The following FREM2 variants were observed in gnomAD, a reference collection of about 807,000 sequenced individuals.
FREM2 encodes FRAS1 related extracellular matrix 2, also known as FRAS1-related extracellular matrix protein 2.
A neutral mutation model predicts 219.9 loss-of-function variants in FREM2; 119 were observed. The ratio of observed to expected loss-of-function variants is 0.54; its 90% CI spans 0.47 to 0.63. The LOEUF (loss-of-function observed/expected upper bound fraction) is 0.63. FREM2 is among the 30% of genes least tolerant of loss of function. The pLI is 0.00. For synonymous variants in FREM2, 1,562 were observed against 1,522.8 expected (o/e 1.03, Z -0.60); for missense variants, 4,030 against 3,993.6 (o/e 1.01, Z -0.25).
chr13:38,687,162 C>A lies in FREM2; in HGVS notation c.-183C>A, dbSNP rs1188769062. 2.5e-6 allele frequency: 2 copies of A among 785,732 alleles called. No homozygotes were observed. Among genetic ancestry groups the A allele is most frequent in the Non-Finnish European group, 4.0e-6 (2 of 498,390 alleles). The allele number at this position is 785,732 out of a possible 1,614,324, so 48.7% of individuals were successfully genotyped here. On this transcript the variant is annotated 5_prime_UTR_variant, in exon 1 of 24. Transcript: ENST00000280481. ...TGGGAAGGCTTCGGCTCCTCGGCTG[C>A]GGCTCCAGCCCGGACGGCGCCGCGC...
In FREM2 at chr13:38,880,732, G is replaced by A. The variant is rs1878516672; in HGVS notation, c.9455G>A (p.Ser3152Asn). Residue 3152 changes from serine (S) to asparagine (N), a missense_variant, in exon 24 of 24, where the codon AGC becomes AAC. Physicochemically the swap from Ser to Asn is conservative, Grantham distance 46. Transcript: ENST00000280481. ...RGKDAPKGSS[S>N]SEPMVPPQSH... ...AAGGATGCCCCGAAAGGCTCCAGCA[G>A]CAGTGAGCCCATGGTGCCCCCACAG... 9.9e-6 allele frequency: 16 copies of A among 1,614,186 alleles called. No individual in the cohort carries two copies. The highest frequency in any genetic ancestry group is 1.4e-5 in the Non-Finnish European group (16 of 1,180,034).
At chr13:38,722,327 T>C (rs996843966) in intron 2 of FREM2, among the ~76,000 whole-genome samples, 7 of 152,118 alleles carry the variant, frequency 4.6e-5, no homozygotes. Context: ...CCCAAAGTGC[T>C]GGGATTATAG....
chr13:38,796,714 T>A (rs1874802150), intron 6 of FREM2, among the ~76,000 whole-genome samples: 1 of 152,204 alleles, frequency 6.6e-6, no homozygotes, highest in Non-Finnish European at 1.5e-5. Context: ...TTATAAATAG[T>A]GCTGCAATGA....
intron 2 of FREM2, among the ~76,000 whole-genome samples, chr13:38,743,651 A>G (rs1162077779): frequency 1.3e-5 from 2 of 152,192 alleles, no homozygotes; most frequent in African/African-American, 4.8e-5. Flanking sequence ...AGAGCAGTGT[A>G]ATAATAGCTG....
At chr13:38,785,050 C>T (rs1160087173) in intron 6 of FREM2, among the ~76,000 whole-genome samples, 1 of 152,214 alleles carries the variant, frequency 6.6e-6, no homozygotes, top group Non-Finnish European at 1.5e-5. Context: ...CCGTTTCTTT[C>T]ACCAAGCCCT....
chr13:38,687,386 A>G lies in FREM2; in HGVS notation c.42A>G (p.Thr14=), dbSNP rs1305621894. The change falls in exon 1 of 24, where the codon ACA becomes ACG. Residue 14 remains threonine (T), a synonymous_variant. Coordinates refer to ENST00000280481, the MANE Select transcript of FREM2 (RefSeq NM_207361.6). The part of the protein sequence containing the change: ...AGTPGLSSRR[T]GNSTSFQPGP... ...CTCCCGGGTTATCCTCGCGCCGGAC[A>G]GGCAACTCCACCAGCTTTCAACCAG... 3.1e-6 allele frequency: 5 copies of G among 1,608,948 alleles called. No homozygotes were observed. The East Asian group carries it at 9.0e-5, about 29-fold the overall frequency.
At chr13:38,769,091 A>G (rs1873552354) in intron 3 of FREM2, among the ~76,000 whole-genome samples, 1 of 152,300 alleles carries the variant, frequency 6.6e-6, no homozygotes, top group African/African-American at 2.4e-5. Flanking sequence ...ATCACTTTTT[A>G]TTATTCCACT....
intron 2 of FREM2, among the ~76,000 whole-genome samples, chr13:38,745,211 A>G (rs77598904): frequency 6.6e-6 from 1 of 152,210 alleles, no homozygotes; most frequent in Non-Finnish European, 1.5e-5. Flanking sequence ...ATCTGATTCA[A>G]TTATTTTAAA....
intron 6 of FREM2, among the ~76,000 whole-genome samples, chr13:38,828,676 A>G (rs1195307503): frequency 6.6e-6 from 1 of 152,020 alleles, no homozygotes; most frequent in Admixed American, 6.6e-5. Flanking sequence ...TTGCCACTAC[A>G]CTGCAGACTG....
At position 38,691,829 on chromosome 13, in the gene FREM2, C is replaced by G. The variant is rs768751567; in HGVS notation, c.4485C>G (p.Ile1495Met). 4.9e-5 allele frequency: 79 copies of G among 1,614,006 alleles called. No individual in the cohort carries two copies. The Middle Eastern group carries it at 6.6e-4, about 13-fold the overall frequency. ...LQLAGNKIYY[I>M]HTADDEVKMD... ...TGGCTGGAAACAAAATCTACTACAT[C>G]CACACAGCTGATGATGAAGTGAAAA... is the stretch of plus-strand genomic sequence containing the variant. The change falls in exon 1 of 24, where the codon ATC (isoleucine) becomes ATG (methionine). Residue 1495 changes from isoleucine (I) to methionine (M), a missense_variant. By Grantham distance (10) the Ile-to-Met change is conservative. This residue lies in a region of FREM2 where 3,102 missense variants were observed against 2,950.7 expected (regional missense o/e 1.05). Transcript: ENST00000280481.
At chr13:38,707,980 C>T (rs1870605998) in intron 2 of FREM2, among the ~76,000 whole-genome samples, 1 of 152,170 alleles carries the variant, frequency 6.6e-6, no homozygotes, top group Admixed American at 6.5e-5. Flanking sequence ...GGCAGCTTTC[C>T]CTGGTTCCTG....
intron 6 of FREM2, among the ~76,000 whole-genome samples, chr13:38,828,069 T>C (rs951932618): frequency 7.2e-5 from 11 of 152,170 alleles, no homozygotes; most frequent in Non-Finnish European, 1.6e-4. Flanking sequence ...TTGATGCATC[T>C]TTCCATACAT....
At chr13:38,736,513 G>T (rs1291912029) in intron 2 of FREM2, among the ~76,000 whole-genome samples, 1 of 152,004 alleles carries the variant, frequency 6.6e-6, no homozygotes, top group African/African-American at 2.4e-5. Context: ...CTTTTTGACG[G>T]TTTACAACAA....
At chr13:38,712,972 A>T (rs141562946) in intron 2 of FREM2, among the ~76,000 whole-genome samples, 1 of 152,222 alleles carries the variant, frequency 6.6e-6, no homozygotes, top group African/African-American at 2.4e-5. Context: ...TTGCTCAACC[A>T]TCTAAACATC....
chr13:38,737,767 A>T (rs1872057320), intron 2 of FREM2, among the ~76,000 whole-genome samples: 1 of 152,220 alleles, frequency 6.6e-6, no homozygotes, highest in Non-Finnish European at 1.5e-5. Flanking sequence ...GGGGAATGAG[A>T]CTGGGAATGT....
chr13:38,777,621 T>C (rs1199108300), intron 4 of FREM2, among the ~76,000 whole-genome samples: 2 of 152,338 alleles, frequency 1.3e-5, no homozygotes, highest in East Asian at 3.9e-4. Context: ...GAGAACTCCA[T>C]GCCTACTAGC....
rs1349066882 is a variant in FREM2 at position 38,689,483 on chromosome 13, A to G, written c.2139A>G (p.Val713=). 1.9e-6 allele frequency: 3 copies of G among 1,614,040 alleles called. No individual in the cohort carries two copies. Among genetic ancestry groups the G allele is most frequent in the East Asian group, 2.2e-5 (1 of 44,864 alleles). Residue 713 remains valine, a synonymous_variant, in exon 1 of 24, where the codon GTA becomes GTG. Coordinates refer to ENST00000280481, the MANE Select transcript of FREM2 (RefSeq NM_207361.6). ...LGSGCPLRMV[V]QESQLTPLRK... ...GTGGCTGTCCCCTTCGTATGGTGGT[A>G]CAGGAATCCCAGCTCACACCACTGA...
At chr13:38,858,914 G>T (rs1041091203) in intron 13 of FREM2, among the ~76,000 whole-genome samples, 1 of 144,962 alleles carries the variant, frequency 6.9e-6, no homozygotes, top group Admixed American at 7.2e-5. Flanking sequence ...ATCAACTTAA[G>T]CAATACTGTT....
chr13:38,690,263 T>C lies in FREM2; in HGVS notation c.2919T>C (p.Asn973=). The C allele has an allele frequency of 6.2e-7, 1 of 1,614,168 alleles. No homozygotes were observed. The change falls in exon 1 of 24, where the codon AAT becomes AAC. Residue 973 remains asparagine, a synonymous_variant. Coordinates refer to ENST00000280481, the MANE Select transcript of FREM2 (RefSeq NM_207361.6). ...EITANVIKGT[N]EETDDLMLTF... ...CTGCCAATGTTATTAAGGGGACCAA[T>C]GAGGAAACTGATGACTTGATGTTGA...
Sources: gnomAD v4.1 joint callset for allele counts (sites outside exome capture counted in the v4.1 genomes callset) on GRCh38, gnomAD v4.1.1 for gene constraint, gnomAD v4.1.1 regional missense constraint, MANE v1.5 for transcripts, NCBI Gene and HGNC (gene_info 2026-07-23, HGNC 2026-07-21) for gene names.